SBF2: variants seen among roughly 807,000 people sequenced by gnomAD.
SBF2 encodes the protein myotubularin-related protein 13.
SBF2 carries 112 observed loss-of-function variants against 225.2 expected under a neutral mutation model. That is an observed-to-expected ratio of 0.50 (90% CI 0.43 to 0.58). The LOEUF is 0.58. Among genes scored for constraint, SBF2 ranks in the 20% least tolerant of loss-of-function variants. The pLI, the probability that SBF2 is intolerant of heterozygous loss-of-function variation, is 0.00. For synonymous variants in SBF2, 763 were observed against 773.3 expected, an observed-to-expected ratio of 0.99 and a Z score of 0.22; for missense variants, 1,996 against 2,206.2, an observed-to-expected ratio of 0.90 and a Z score of 1.91.
At chr11:9,983,752 G>A (rs183007695) in intron 13 of SBF2, among the ~76,000 whole-genome samples, 26 of 152,268 alleles carry the variant, frequency 1.7e-4, no homozygotes, top group Non-Finnish European at 3.5e-4. Flanking sequence ...TCACATCACA[G>A]GACTCTGTGC....
At chr11:10,098,321 G>C (rs951133167) in intron 2 of SBF2, among the ~76,000 whole-genome samples, 5 of 151,954 alleles carry the variant, frequency 3.3e-5, no homozygotes, top group African/African-American at 1.2e-4. Flanking sequence ...AAGAAGTAGA[G>C]TAGTTATATC....
intron 12 of SBF2, among the ~76,000 whole-genome samples, chr11:9,990,595 G>A (rs72857149): frequency 0.058 from 8,869 of 152,194 alleles, 324 homozygotes; most frequent in Middle Eastern, 0.18. Context: ...CATATGATTA[G>A]CTGGCAGTCA....
At chr11:10,089,281 A>T (rs1821634386) in intron 2 of SBF2, among the ~76,000 whole-genome samples, 1 of 152,192 alleles carries the variant, frequency 6.6e-6, no homozygotes, top group African/African-American at 2.4e-5. Context: ...TAAAAATGTG[A>T]CATTAATCTT....
At chr11:10,151,955 T>C (rs1214063537) in intron 2 of SBF2, among the ~76,000 whole-genome samples, 2 of 152,246 alleles carry the variant, frequency 1.3e-5, no homozygotes, top group African/African-American at 2.4e-5. Flanking sequence ...GCCAATAAAC[T>C]ATATTTTTAG....
intron 2 of SBF2, among the ~76,000 whole-genome samples, chr11:10,082,673 A>G (rs188913851): frequency 6.6e-6 from 1 of 152,344 alleles, no homozygotes; most frequent in Admixed American, 6.5e-5. Context: ...ATCATTTGAT[A>G]AAATTCAGCA....
chr11:10,208,396 G>C (rs560406367), intron 1 of SBF2, among the ~76,000 whole-genome samples: 1 of 152,168 alleles, frequency 6.6e-6, no homozygotes, highest in Non-Finnish European at 1.5e-5. Context: ...AGAACTCCCG[G>C]CTACTTCATA....
intron 1 of SBF2, among the ~76,000 whole-genome samples, chr11:10,235,540 A>C (rs1215976128): frequency 6.6e-6 from 1 of 152,096 alleles, no homozygotes; most frequent in Admixed American, 6.5e-5. Flanking sequence ...AAAAAAAAAA[A>C]AAACCAAAAA....
At chr11:9,993,565 T>C (rs577258834) in intron 10 of SBF2, among the ~76,000 whole-genome samples, 1 of 152,360 alleles carries the variant, frequency 6.6e-6, no homozygotes, top group African/African-American at 2.4e-5. Context: ...ATTCTTTATA[T>C]CCATTCTTGT....
At chr11:10,296,976 T>C (rs910610158), upstream of SBF2, among the ~76,000 whole-genome samples, 12 of 152,242 alleles carry the variant, frequency 7.9e-5, no homozygotes, top group African/African-American at 2.9e-4. Flanking sequence ...GATCTTTTCA[T>C]GTGTTTATTG....
intron 16 of SBF2, among the ~76,000 whole-genome samples, chr11:9,941,282 T>C (rs1346804115): frequency 1.3e-5 from 2 of 152,020 alleles, no homozygotes; most frequent in Non-Finnish European, 2.9e-5. Context: ...CACCCCTGCG[T>C]GCCAGCCCCA....
At chr11:9,967,978 TATATATATATATAAA>T (rs1371237806) in intron 14 of SBF2, among the ~76,000 whole-genome samples, 27 of 89,270 alleles carry the variant, frequency 3.0e-4, no homozygotes, top group Admixed American at 2.7e-3. Flanking sequence ...TCTCTATATA[TATATATATATATAAA>T]ATATATATAT....
chr11:10,033,796 T>A (rs1377418566), intron 3 of SBF2, among the ~76,000 whole-genome samples: 1 of 152,154 alleles, frequency 6.6e-6, no homozygotes, highest in African/African-American at 2.4e-5. Flanking sequence ...GTCAGAGGAA[T>A]ACTCCCTCTT....
At chr11:9,964,026 T>C in intron 14 of SBF2, 144 bp from the exon 15 acceptor site, 1 of 627,922 alleles carries the variant, frequency 1.6e-6, no homozygotes. Flanking sequence ...TGAGGTGGGA[T>C]GATCCCTTGA....
At chr11:10,094,527 G>GTTTTTTT (rs1565222159) in intron 2 of SBF2, among the ~76,000 whole-genome samples, 1 of 71,644 alleles carries the variant, frequency 1.4e-5, no homozygotes, top group African/African-American at 4.1e-5. Flanking sequence ...AATACACACA[G>GTTTTTTT]ATTTTTTTTT....
At chr11:9,810,435 A>G (rs557953241) in intron 30 of SBF2, 2 of 152,350 alleles carry the variant, frequency 1.3e-5, no homozygotes, top group South Asian at 4.1e-4. Context: ...AGATTTTAAA[A>G]CCAGATGTAT....
chr11:9,827,978 A>G, intron 28 of SBF2: 1 of 377,358 alleles, frequency 2.7e-6, no homozygotes, highest in South Asian at 2.4e-5. Context: ...TCATCATGCT[A>G]GTAATACATT....
intron 38 of SBF2, among the ~76,000 whole-genome samples, chr11:9,783,399 T>C (rs1429446802): frequency 6.6e-6 from 1 of 152,244 alleles, no homozygotes; most frequent in Non-Finnish European, 1.5e-5. Context: ...ACCAAAGCAC[T>C]GTACAGGAGT....
intron 1 of SBF2, among the ~76,000 whole-genome samples, chr11:10,204,875 T>C (rs764556120): frequency 2.6e-5 from 4 of 151,280 alleles, no homozygotes; most frequent in African/African-American, 9.8e-5. Context: ...CTAACGGATA[T>C]AGGGTTTCTT....
chr11:10,122,521 C>G (rs1953519406), intron 2 of SBF2, among the ~76,000 whole-genome samples: 2 of 152,206 alleles, frequency 1.3e-5, no homozygotes, highest in Non-Finnish European at 2.9e-5. Flanking sequence ...TCAACACCCT[C>G]AATTATGTGG....
Sources: allele counts gnomAD v4.1 joint callset (sites outside exome capture counted in the v4.1 genomes callset), GRCh38; gene constraint gnomAD v4.1.1; transcripts MANE v1.5; gene names NCBI Gene and HGNC (gene_info 2026-07-23, HGNC 2026-07-21).